WDR7: variants seen among roughly 807,000 people sequenced by gnomAD.
WDR7 encodes the protein WD repeat domain 7.
A neutral mutation model predicts 169.4 loss-of-function variants in WDR7; 46 were observed. The ratio of observed to expected loss-of-function variants is 0.27; its 90% CI spans 0.21 to 0.35. WDR7 has a LOEUF of 0.35. Ranked by LOEUF, WDR7 falls within the 10% of genes least tolerant of loss-of-function variation. The probability of loss-of-function intolerance (pLI) is 1.00; values close to 1 mark genes in which losing one functional copy is unlikely to be tolerated. For synonymous variants in WDR7, 612 were observed against 666.8 expected (o/e 0.92, Z 1.27); for missense variants, 1,534 against 1,859.3 (o/e 0.83, Z 3.22).
intron 26 of WDR7, among the ~76,000 whole-genome samples, chr18:57,012,804 T>C (rs773271493): frequency 3.3e-5 from 5 of 152,360 alleles, no homozygotes; most frequent in Non-Finnish European, 7.3e-5. Flanking sequence ...CAGCAGACTC[T>C]GGCCCCAGAC....
At chr18:56,810,516 A>T (rs2044850015) in intron 19 of WDR7, among the ~76,000 whole-genome samples, 1 of 152,198 alleles carries the variant, frequency 6.6e-6, no homozygotes, top group African/African-American at 2.4e-5. Context: ...TTGACTGAGG[A>T]TTAATATAGT....
chr18:56,748,736 CTAAAA>C (rs1357399240), intron 14 of WDR7, among the ~76,000 whole-genome samples: 1 of 152,000 alleles, frequency 6.6e-6, no homozygotes, highest in Non-Finnish European at 1.5e-5. Flanking sequence ...CTTATCCTGT[CTAAAA>C]TAAAATATTT....
intron 14 of WDR7, among the ~76,000 whole-genome samples, chr18:56,740,020 C>T (rs1165877213): frequency 6.6e-6 from 1 of 151,842 alleles, no homozygotes; most frequent in Non-Finnish European, 1.5e-5. Flanking sequence ...TCAGAAACTC[C>T]AATAACATGT....
chr18:57,035,708 A>T, the WDR7 span: 1 of 152,358 alleles, frequency 6.6e-6, no homozygotes, highest in African/African-American at 2.4e-5. Context: ...GTCCTGAAAT[A>T]ATACAGACCT....
chr18:56,849,129 G>A (rs1364337552), intron 20 of WDR7, among the ~76,000 whole-genome samples: 1 of 152,038 alleles, frequency 6.6e-6, no homozygotes, highest in Non-Finnish European at 1.5e-5. Context: ...CTCCTTCACA[G>A]CTGATACATA....
At chr18:56,736,113 TG>T (rs1195696245) in intron 14 of WDR7, among the ~76,000 whole-genome samples, 3 of 152,150 alleles carry the variant, frequency 2.0e-5, no homozygotes, top group Non-Finnish European at 4.4e-5. Context: ...TAAACTCCAG[TG>T]GTGTCCTGTC....
At chr18:56,923,107 CA>C (rs148745744) in intron 21 of WDR7, among the ~76,000 whole-genome samples, 6,695 of 152,094 alleles carry the variant, frequency 0.044, 190 homozygotes, top group African/African-American at 0.081. Flanking sequence ...TTCTTCCCCT[CA>C]AAAAAACAAA....
At chr18:56,922,882 T>A (rs1322372798) in intron 21 of WDR7, among the ~76,000 whole-genome samples, 1 of 152,186 alleles carries the variant, frequency 6.6e-6, no homozygotes, top group Non-Finnish European at 1.5e-5. Flanking sequence ...TGTATTAAAG[T>A]TTATATGCCA....
chr18:56,672,533 T>C lies in WDR7; in HGVS notation c.18T>C (p.Leu6=). 3 of 1,590,748 alleles carry C rather than the reference T, an allele frequency of 1.9e-6. No homozygotes were observed. Among genetic ancestry groups the C allele is most frequent in the Admixed American group, 3.5e-5 (2 of 57,086 alleles). MAGNS[L]VLPIVLWGRK... ...CAAACACAATGGCAGGAAACAGCCTTGTTCTACCCATTGTTCTTTGGGGTC... is the reference window on the plus strand; with the variant it reads ...CAAACACAATGGCAGGAAACAGCCTCGTTCTACCCATTGTTCTTTGGGGTC... Residue 6 remains leucine (L), a synonymous_variant, in exon 2 of 28, where the codon CTT becomes CTC. Coordinates refer to ENST00000254442, the MANE Select transcript of WDR7 (RefSeq NM_015285.3).
intron 20 of WDR7, among the ~76,000 whole-genome samples, chr18:56,840,918 G>A (rs1402556760): frequency 1.3e-5 from 2 of 152,118 alleles, no homozygotes; most frequent in Admixed American, 6.5e-5. Flanking sequence ...GGCTGGGCAT[G>A]ATGGCTCATG....
chr18:56,858,555 C>T (rs769589143), intron 20 of WDR7, among the ~76,000 whole-genome samples: 5 of 152,074 alleles, frequency 3.3e-5, no homozygotes, highest in Admixed American at 6.6e-5. Flanking sequence ...TGGCCTCAAG[C>T]GATCCTCCTA....
Position 56,737,226 on chromosome 18 carries a change from C to T in WDR7, c.1989+5629C>T, listed in dbSNP as rs141107210. On this transcript the variant is annotated intron_variant, in intron 14 of 27. Transcript: ENST00000254442. The stretch of plus-strand genomic sequence containing the variant: ...ATAGATTGCACATGATGATATTTGG[C>T]GAATGCATACATGCATATATTTAGA... Among the ~76,000 whole-genome samples, 249 of 152,150 alleles carry T rather than the reference C, an allele frequency of 1.6e-3. 1 individual carries two copies. Among genetic ancestry groups the T allele is most frequent in the African/African-American group, 5.8e-3 (241 of 41,512 alleles).
At chr18:56,977,720 A>G (rs1249504756) in intron 26 of WDR7, among the ~76,000 whole-genome samples, 3 of 152,258 alleles carry the variant, frequency 2.0e-5, no homozygotes, top group Admixed American at 6.5e-5. Context: ...CAGGAGCAAG[A>G]AAACATTTAT....
At chr18:57,000,885 G>A (rs774182534) in intron 26 of WDR7, among the ~76,000 whole-genome samples, 5 of 152,052 alleles carry the variant, frequency 3.3e-5, no homozygotes, top group Admixed American at 6.6e-5. Flanking sequence ...TAGCTTTTCA[G>A]TTGAATATAA....
intron 14 of WDR7, among the ~76,000 whole-genome samples, chr18:56,744,422 G>C (rs1220407915): frequency 6.6e-6 from 1 of 152,094 alleles, no homozygotes; most frequent in African/African-American, 2.4e-5. Context: ...CTGAGTAGGG[G>C]ACCTGATGAG....
At chr18:56,759,859 A>G (rs1220267939) in intron 16 of WDR7, among the ~76,000 whole-genome samples, 1 of 152,166 alleles carries the variant, frequency 6.6e-6, no homozygotes, top group South Asian at 2.1e-4. Flanking sequence ...TCCACAAGAC[A>G]AGTACTTTTA....
intron 25 of WDR7, among the ~76,000 whole-genome samples, chr18:56,954,673 C>T (rs1010040721): frequency 2.0e-5 from 3 of 152,036 alleles, no homozygotes; most frequent in Non-Finnish European, 2.9e-5. Flanking sequence ...GATAAATCAT[C>T]TGTGTTTCTC....
rs1399350909 is a variant in WDR7, at chr18:56,682,661, C to T, written c.346-18C>T. On this transcript the variant is annotated intron_variant, in intron 4 of 27. Transcript: ENST00000254442. ...GGAGAACACTCAGAAATCTTTTTTC[C>T]TTTTGGCATGAATGTAGTTCTACCA... 3 of 1,596,194 alleles carry T rather than the reference C, an allele frequency of 1.9e-6. No individual in the cohort carries two copies. The highest frequency in any genetic ancestry group is 1.1e-5 in the South Asian group (1 of 88,590).
intron 14 of WDR7, chr18:56,753,234 A>C (rs2043823107): frequency 6.6e-6 from 1 of 152,336 alleles, no homozygotes; most frequent in African/African-American, 2.4e-5. Flanking sequence ...TTTTAAGGCT[A>C]GTCAAGTGAA....
Sources: allele counts gnomAD v4.1 joint callset (sites outside exome capture counted in the v4.1 genomes callset), GRCh38; gene constraint gnomAD v4.1.1; transcripts MANE v1.5; gene names NCBI Gene and HGNC (gene_info 2026-07-23, HGNC 2026-07-21).